Variants in TSBP1 observed in about 807,000 individuals in gnomAD.
TSBP1 encodes testis expressed basic protein 1, also known as testis-expressed basic protein 1.
A neutral mutation model predicts 68.8 loss-of-function variants in TSBP1; 56 were observed. The ratio of observed to expected loss-of-function variants is 0.81; its 90% CI spans 0.66 to 1.02. The LOEUF is 1.02. Among genes scored for constraint, TSBP1 ranks in the 50% least tolerant of loss-of-function variants. The probability of loss-of-function intolerance (pLI) is 0.00; values close to 1 mark genes in which losing one functional copy is unlikely to be tolerated. For synonymous variants in TSBP1, 171 were observed against 208.7 expected (o/e 0.82, Z 1.56); for missense variants, 502 against 641.2 (o/e 0.78, Z 2.34).
chr6:32,322,190 A>G (rs1562102188), intron 18 of TSBP1, among the ~76,000 whole-genome samples: 1 of 152,232 alleles, frequency 6.6e-6, no homozygotes, highest in Non-Finnish European at 1.5e-5. Flanking sequence ...AAGGTAGGAC[A>G]TAGTGTGAAA....
chr6:32,350,580 C>A (rs151003771), intron 8 of TSBP1, among the ~76,000 whole-genome samples: 49 of 152,274 alleles, frequency 3.2e-4, no homozygotes, highest in African/African-American at 1.1e-3. Context: ...GCTTAAACAC[C>A]TGATCACCAG....
At chr6:32,334,248 T>A (rs760326823) in intron 14 of TSBP1, among the ~76,000 whole-genome samples, 16 of 152,200 alleles carry the variant, frequency 1.1e-4, no homozygotes, top group Non-Finnish European at 2.4e-4. Flanking sequence ...TCCAATTTTC[T>A]TCCTACTTTT....
In TSBP1 at chr6:32,326,200, G is replaced by A. The variant is rs1010869480; in HGVS notation, c.515-2586C>T. Reference sequence around the variant, plus strand: ...TTAATTAGGAAACAAAGCTTAGCAGGAGAGGAGAGCCAGAGAAGTGACAGG... The same window carrying A: ...TTAATTAGGAAACAAAGCTTAGCAGAAGAGGAGAGCCAGAGAAGTGACAGG... On this transcript the variant is annotated intron_variant, in intron 16 of 22. Transcript: ENST00000612031. The A allele has an allele frequency of 4.4e-6, 6 of 1,369,246 alleles. No homozygotes were observed. The African/African-American group carries it at 8.3e-5, about 19-fold the overall frequency. 84.8% of individuals were successfully genotyped at this position (1,369,246 alleles called of 1,614,324 possible). A position where few individuals can be genotyped will look rare whatever the true frequency, so the allele number is the denominator to read the frequency against.
chr6:32,327,964 A>ATTT lies in TSBP1; in HGVS notation c.514+2622_514+2624dup, dbSNP rs771332320. ...CCGCCACCATGCCCGACTTATTATT[A>ATTT]TTTTTTTTTTTTTGTATTTTTAGTA... On this transcript the variant is annotated intron_variant, in intron 16 of 22. Transcript: ENST00000612031. Among the ~76,000 whole-genome samples the ATTT allele has an allele frequency of 1.6e-3, 214 of 136,170 alleles. 2 individuals are homozygous for ATTT. Among genetic ancestry groups the ATTT allele is most frequent in the South Asian group, 1.2e-3 (5 of 4,076 alleles). The allele number at this position is 136,170 out of a possible 152,430, so 89.3% of individuals were successfully genotyped here.
intron 4 of TSBP1, among the ~76,000 whole-genome samples, chr6:32,366,908 T>C (rs1321619106): frequency 6.6e-6 from 1 of 152,180 alleles, no homozygotes; most frequent in Non-Finnish European, 1.5e-5. Flanking sequence ...CTCTTCACTC[T>C]TGTTGTTCAT....
chr6:32,335,866 C>T lies in TSBP1; in HGVS notation c.451+46G>A. 1 of 1,516,552 alleles carries T rather than the reference C, an allele frequency of 6.6e-7. No individual in the cohort carries two copies. The allele number at this position is 1,516,552 out of a possible 1,614,324, so 93.9% of individuals were successfully genotyped here. On this transcript the variant is annotated intron_variant, in intron 13 of 22. Transcript: ENST00000612031. This position sits in a 1 kb window ranked among gnomAD's most constrained non-coding sequence, Gnocchi z 5.5. The stretch of plus-strand genomic sequence containing the variant: ...CCAGGTAGCGATCCCTAAGATACTG[C>T]AGGAAAGTAAAATGCTCACTGTGGA...
intron 22 of TSBP1, among the ~76,000 whole-genome samples, chr6:32,294,996 T>G (rs1253170943): frequency 6.6e-6 from 1 of 152,130 alleles, no homozygotes; most frequent in African/African-American, 2.4e-5. Flanking sequence ...AAATCTAATA[T>G]TTAATATTTA....
intron 14 of TSBP1, among the ~76,000 whole-genome samples, chr6:32,334,748 G>A (rs374359443): frequency 5.9e-5 from 9 of 152,240 alleles, no homozygotes; most frequent in Admixed American, 2.0e-4. Flanking sequence ...AGAAAGGAAA[G>A]GAAGGCCAGG....
At chr6:32,363,486 G>A (rs1229908488) in intron 6 of TSBP1, among the ~76,000 whole-genome samples, 1 of 150,504 alleles carries the variant, frequency 6.6e-6, no homozygotes, top group Non-Finnish European at 1.5e-5. Flanking sequence ...CTGATTTTCT[G>A]TAGTGGTATG....
In TSBP1 at chr6:32,323,151, T is replaced by G; in HGVS notation, c.539-14A>C. The G allele has an allele frequency of 6.6e-7, 1 of 1,515,616 alleles. No individual in the cohort carries two copies. The highest frequency in any genetic ancestry group is 9.1e-7 in the Non-Finnish European group (1 of 1,095,454). 93.9% of individuals were successfully genotyped at this position (1,515,616 alleles called of 1,614,324 possible). On this transcript the variant is annotated splice_polypyrimidine_tract_variant and intron_variant, in intron 17 of 22. Coordinates refer to ENST00000612031, the Ensembl canonical transcript of TSBP1. ...CCATGGGTGGACCTAAAAACCAAAG[T>G]AGATATTGGTGAAGATTTCTTTGAA...
chr6:32,295,351 A>ACACACAC lies in TSBP1; in HGVS notation c.638-1317_638-1316insGTGTGTG, dbSNP rs773829841. Among the ~76,000 whole-genome samples the ACACACAC allele has an allele frequency of 4.4e-4, 41 of 92,172 alleles. No homozygotes were observed. In the South Asian group the frequency reaches 0.011, roughly 24 times the overall value. The allele number at this position is 92,172 out of a possible 152,430, so 60.5% of individuals were successfully genotyped here. On this transcript the variant is annotated intron_variant, in intron 22 of 22. Coordinates refer to ENST00000612031, the Ensembl canonical transcript of TSBP1. ...ACTCCATCTCACACACACACACACA[A>ACACACAC]AAAAAAAAAAAAAAAAAAAGAAGAC...
In TSBP1 at chr6:32,302,297, A is replaced by G. The variant is rs1349289115; in HGVS notation, c.601+312T>C. Reference sequence around the variant, plus strand: ...GCAAGACTCAGTTTCTACAAAAAATAAAAAAAAGTTAGCCAAGCATGGTGG... The same window carrying G: ...GCAAGACTCAGTTTCTACAAAAAATGAAAAAAAGTTAGCCAAGCATGGTGG... On this transcript the variant is annotated intron_variant, in intron 20 of 22. Coordinates refer to ENST00000612031, the Ensembl canonical transcript of TSBP1. This position sits in a 1 kb window ranked among gnomAD's most constrained non-coding sequence, Gnocchi z 5.1. Among the ~76,000 whole-genome samples the G allele has an allele frequency of 6.6e-6, 1 of 151,926 alleles. No individual in the cohort carries two copies. Among genetic ancestry groups the G allele is most frequent in the Non-Finnish European group, 1.5e-5 (1 of 67,978 alleles).
At chr6:32,351,943 A>G (rs1771760515) in intron 8 of TSBP1, among the ~76,000 whole-genome samples, 1 of 152,112 alleles carries the variant, frequency 6.6e-6, no homozygotes, top group Non-Finnish European at 1.5e-5. Context: ...AACAATAATA[A>G]ATAATAAACA....
At chr6:32,354,825 A>T (rs1229467444) in intron 8 of TSBP1, among the ~76,000 whole-genome samples, 1 of 152,114 alleles carries the variant, frequency 6.6e-6, no homozygotes, top group African/African-American at 2.4e-5. Flanking sequence ...ATTAAACATT[A>T]AAAAAAGATA....
chr6:32,321,322 A>G lies in TSBP1; in HGVS notation c.559+1795T>C, dbSNP rs1442574536. ...GATGATATATAGGATCCAAGACCCTATATATCTATTGGGTCTTGGATTTTT... is the reference window on the plus strand; with the variant it reads ...GATGATATATAGGATCCAAGACCCTGTATATCTATTGGGTCTTGGATTTTT... On this transcript the variant is annotated intron_variant, in intron 18 of 22. Transcript: ENST00000612031. This position sits in a 1 kb window ranked among gnomAD's most constrained non-coding sequence, Gnocchi z 4.3. Among the ~76,000 whole-genome samples, 1 of 152,058 alleles carries G rather than the reference A, an allele frequency of 6.6e-6. No homozygotes were observed. Among genetic ancestry groups the G allele is most frequent in the Non-Finnish European group, 1.5e-5 (1 of 67,988 alleles).
chr6:32,296,308 G>A (rs1764719805), intron 22 of TSBP1, among the ~76,000 whole-genome samples: 1 of 152,160 alleles, frequency 6.6e-6, no homozygotes, highest in African/African-American at 2.4e-5. Context: ...TAAATCAAAA[G>A]AGTTGTTGTA....
chr6:32,336,778 T>C lies in TSBP1; in HGVS notation c.410-143A>G. On this transcript the variant is annotated intron_variant, in intron 11 of 22. Transcript: ENST00000612031. This position sits in a 1 kb window ranked among gnomAD's most constrained non-coding sequence, Gnocchi z 5.2. ...CTGCAGATGATCTTAGCCTGGAAGC[T>C]GCATAACCCTCCTACCAGATCAAAT... 4 of 666,750 alleles carry C rather than the reference T, an allele frequency of 6.0e-6. No individual in the cohort carries two copies. The highest frequency in any genetic ancestry group is 1.1e-5 in the Non-Finnish European group (4 of 375,180). 41.3% of individuals were successfully genotyped at this position (666,750 alleles called of 1,614,324 possible).
chr6:32,299,232 A>G (rs896028360), intron 22 of TSBP1, among the ~76,000 whole-genome samples: 8 of 152,226 alleles, frequency 5.3e-5, no homozygotes, highest in African/African-American at 1.9e-4. Flanking sequence ...AATGGGGAAT[A>G]ATAATACCTA....
At chr6:32,369,709 G>A (rs1040946522) in intron 2 of TSBP1, among the ~76,000 whole-genome samples, 188 bp downstream of exon 2, 1 of 152,076 alleles carries the variant, frequency 6.6e-6, no homozygotes, top group Non-Finnish European at 1.5e-5. Flanking sequence ...GTAAACCTTG[G>A]GAGTTAAAAG....
Sources: allele counts gnomAD v4.1 joint callset (sites outside exome capture counted in the v4.1 genomes callset), GRCh38; gene constraint gnomAD v4.1.1; non-coding constraint Gnocchi (gnomAD v3.1); transcripts MANE v1.5; gene names NCBI Gene and HGNC (gene_info 2026-07-23, HGNC 2026-07-21).